The following LACTB variants were observed in gnomAD, a reference collection of about 807,000 sequenced individuals.
The protein encoded by LACTB is lactamase beta, also known as serine beta-lactamase-like protein LACTB, mitochondrial.
A neutral mutation model predicts 50.2 loss-of-function variants in LACTB; 35 were observed. The observed-to-expected ratio is 0.70, with a 90% confidence interval of 0.53 to 0.92. The LOEUF is 0.92. Ranked by LOEUF, LACTB falls within the 40% of genes least tolerant of loss-of-function variation. The probability of loss-of-function intolerance (pLI) is 0.00; values close to 1 mark genes in which losing one functional copy is unlikely to be tolerated. For synonymous variants in LACTB, 252 were observed against 268.2 expected (o/e 0.94, Z 0.59); for missense variants, 664 against 691.8 (o/e 0.96, Z 0.45).
At chr15:63,128,861 A>G (rs561119313) in intron 4 of LACTB, among the ~76,000 whole-genome samples, 1 of 152,072 alleles carries the variant, frequency 6.6e-6, no homozygotes, top group African/African-American at 2.4e-5. Flanking sequence ...TTCCTTCTTC[A>G]GCCCCCTGAG....
chr15:63,128,651 T>A, intron 4 of LACTB, among the ~76,000 whole-genome samples: 1 of 152,352 alleles, frequency 6.6e-6, no homozygotes, highest in South Asian at 2.1e-4. Context: ...TAAAGTTATT[T>A]ATTTGAAATA....
intron 2 of LACTB, 76 bp downstream of exon 2, chr15:63,122,778 C>A: frequency 1.0e-6 from 1 of 971,174 alleles, no homozygotes; most frequent in Non-Finnish European, 1.7e-6. Flanking sequence ...AGAGTGGATC[C>A]CATGAAATGC....
chr15:63,122,776 T>TC, intron 2 of LACTB, 74 bp downstream of exon 2: 1 of 991,614 alleles, frequency 1.0e-6, no homozygotes, highest in East Asian at 2.4e-5. Flanking sequence ...TTAGAGTGGA[T>TC]CCCATGAAAT....
chr15:63,124,886 G>A (rs1197668229), intron 2 of LACTB, among the ~76,000 whole-genome samples: 1 of 152,126 alleles, frequency 6.6e-6, no homozygotes, highest in East Asian at 1.9e-4. Context: ...CTCGGGAGGC[G>A]GAGGTTTGCA....
intron 5 of LACTB, chr15:63,129,969 C>T (rs571364366): frequency 1.6e-4 from 29 of 180,450 alleles, no homozygotes; most frequent in Admixed American, 4.3e-4. Context: ...ACTTTGTTTA[C>T]GTGTTATTAG....
rs1595714465 is a variant in LACTB, at chr15:63,126,379, T to TAGATC, written c.425-480_425-479insAGATC. Among the ~76,000 whole-genome samples the TAGATC allele has an allele frequency of 2.0e-5, 3 of 152,310 alleles. No homozygotes were observed. The East Asian group carries it at 5.8e-4, about 29-fold the overall frequency. On this transcript the variant is annotated intron_variant, in intron 2 of 5. Coordinates refer to ENST00000261893, the MANE Select transcript of LACTB (RefSeq NM_032857.5). ...CTAGTCTTGAACTCCCAATCTCAGG[T>TAGATC]GATCTGCTCACCTTGGCCACCCAAA... is the stretch of plus-strand genomic sequence containing the variant.
In LACTB at chr15:63,126,891, C is replaced by G. The variant is rs1387240178; in HGVS notation, c.457C>G (p.Pro153Ala). Residue 153 changes from proline (P) to alanine (A), a missense_variant, in exon 3 of 6, where the codon CCA becomes GCA. Physicochemically the swap from Pro to Ala is conservative, Grantham distance 27 (BLOSUM62 -1). Transcript: ENST00000261893. ...TTATGCTGATGTTGAGAACCGTGTA[C>G]CATGTAAACCAGAGACAGTTATGCG... ...LGYADVENRVPCKPETVMRIA... is the reference protein window; with the variant it reads ...LGYADVENRVACKPETVMRIA... The G allele has an allele frequency of 3.7e-6, 6 of 1,609,380 alleles. No individual in the cohort carries two copies. The highest frequency in any genetic ancestry group is 5.1e-6 in the Non-Finnish European group (6 of 1,177,122).
chr15:63,131,685 C>T (rs1474598297), intron 5 of LACTB, among the ~76,000 whole-genome samples: 1 of 152,130 alleles, frequency 6.6e-6, no homozygotes, highest in Admixed American at 6.5e-5. Flanking sequence ...TGGTTCACAC[C>T]TGTAATCCCA....
Position 63,122,390 on chromosome 15 carries a change from T to C in LACTB, c.357+162T>C, listed in dbSNP as rs545074524. Among the ~76,000 whole-genome samples the C allele has an allele frequency of 2.0e-5, 3 of 152,314 alleles. No homozygotes were observed. In the South Asian group the frequency reaches 6.2e-4, roughly 32 times the overall value. ...ACCGCCGAGCCGTGGTCAGACGCTCTTGGGGGTTCCCCAAATCTGGGTGGA... is the reference window on the plus strand; with the variant it reads ...ACCGCCGAGCCGTGGTCAGACGCTCCTGGGGGTTCCCCAAATCTGGGTGGA... On this transcript the variant is annotated intron_variant, in intron 1 of 5. Coordinates refer to ENST00000261893, the MANE Select transcript of LACTB (RefSeq NM_032857.5).
chr15:63,122,280 G>T, intron 1 of LACTB, 52 bp downstream of exon 1: 1 of 1,443,514 alleles, frequency 6.9e-7, no homozygotes, highest in Non-Finnish European at 9.2e-7. Flanking sequence ...ACCCCTGTCG[G>T]CGGTGCTGTC....
chr15:63,132,725 T>C (rs2037144696), intron 5 of LACTB, among the ~76,000 whole-genome samples: 1 of 152,102 alleles, frequency 6.6e-6, no homozygotes, highest in Admixed American at 6.6e-5. Context: ...GGAGGCTGAG[T>C]TGGGAGGATC....
At position 63,125,905 on chromosome 15, in the gene LACTB, T is replaced by C. The variant is rs145845347; in HGVS notation, c.425-954T>C. The C allele has an allele frequency of 2.6e-3, 392 of 151,142 alleles. 1 individual carries two copies. Among genetic ancestry groups the C allele is most frequent in the African/African-American group, 9.0e-3 (371 of 41,152 alleles). 9.4% of individuals were successfully genotyped at this position (151,142 alleles called of 1,614,324 possible). ...TTTTGTAGAGATGCGGTTTCTGCCA[T>C]GTTGCTCAGGCTAGTCTCGAAATCC... On this transcript the variant is annotated intron_variant, in intron 2 of 5. Coordinates refer to ENST00000261893, the MANE Select transcript of LACTB (RefSeq NM_032857.5).
At position 63,129,631 on chromosome 15, in the gene LACTB, G is replaced by A. The variant is rs779823983; in HGVS notation, c.1099G>A (p.Val367Met). 6.2e-7 allele frequency: 1 copy of A among 1,607,662 alleles called. No homozygotes were observed. Among genetic ancestry groups the A allele is most frequent in the South Asian group, 1.1e-5 (1 of 89,738 alleles). The change falls in exon 5 of 6, where the codon GTG (valine) becomes ATG (methionine). Residue 367 changes from valine to methionine, a missense_variant. Physicochemically the swap from Val to Met is conservative, Grantham distance 21. Coordinates refer to ENST00000261893, the MANE Select transcript of LACTB (RefSeq NM_032857.5). ...GACTGTGCAGGAAGAAAACGAGCCA[G>A]TGATTTACAATAGAGCAAGGTAAAT... ...LTTVQEENEP[V>M]IYNRARFYVY...
intron 2 of LACTB, among the ~76,000 whole-genome samples, chr15:63,125,527 T>G (rs899290149): frequency 6.6e-6 from 1 of 152,222 alleles, no homozygotes; most frequent in East Asian, 1.9e-4. Context: ...ATCTAATCAT[T>G]ATACCTAATT....
chr15:63,130,794 G>A (rs2037122765), intron 5 of LACTB: 3 of 152,142 alleles, frequency 2.0e-5, no homozygotes, highest in Admixed American at 2.0e-4. Flanking sequence ...TTATTGTAAA[G>A]TTACTATTTT....
At chr15:63,141,015 A>T in intron 5 of LACTB, 1 of 985,170 alleles carries the variant, frequency 1.0e-6, no homozygotes, top group Non-Finnish European at 1.2e-6. Flanking sequence ...TAAAGGTTTG[A>T]TACACTCAGC....
At chr15:63,141,143 G>A in intron 5 of LACTB, 137 bp from the exon 6 acceptor site, 2 of 1,431,046 alleles carry the variant, frequency 1.4e-6, no homozygotes, top group African/African-American at 1.4e-5. Context: ...CTGAAAATTA[G>A]TGGTTAGTTT....
At position 63,129,594 on chromosome 15, in the gene LACTB, G is replaced by A; in HGVS notation, c.1062G>A (p.Leu354=). The A allele has an allele frequency of 6.2e-7, 1 of 1,613,004 alleles. No homozygotes were observed. The highest frequency in any genetic ancestry group is 1.1e-5 in the South Asian group (1 of 90,886). ...LDYMQKIFHD[L]DMLTTVQEEN... The stretch of plus-strand genomic sequence containing the variant: ...ATATGCAGAAAATATTCCATGACTT[G>A]GATATGCTGACGACTGTGCAGGAAG... The change falls in exon 5 of 6, where the codon TTG becomes TTA. Residue 354 remains leucine (L), a synonymous_variant. Coordinates refer to ENST00000261893, the MANE Select transcript of LACTB (RefSeq NM_032857.5).
intron 4 of LACTB, chr15:63,129,220 A>C (rs2037096139): frequency 8.0e-6 from 2 of 249,300 alleles, no homozygotes; most frequent in South Asian, 3.0e-4. Context: ...TTATTTGCTT[A>C]CTTTATTATC....
Sources: gnomAD v4.1 joint callset for allele counts (sites outside exome capture counted in the v4.1 genomes callset) on GRCh38, gnomAD v4.1.1 for gene constraint, MANE v1.5 for transcripts, NCBI Gene and HGNC (gene_info 2026-07-23, HGNC 2026-07-21) for gene names.